LNP1: variants seen among roughly 807,000 people sequenced by gnomAD.
The protein encoded by LNP1 is leukemia NUP98 fusion partner 1.
A neutral mutation model predicts 14.5 loss-of-function variants in LNP1; 12 were observed. The observed-to-expected ratio is 0.83, with a 90% CI of 0.53 to 1.34. The LOEUF (loss-of-function observed/expected upper bound fraction) is 1.34. LNP1 is among the 40% of genes most tolerant of loss of function. The probability of loss-of-function intolerance (pLI) is 0.00; values close to 1 mark genes in which losing one functional copy is unlikely to be tolerated. For synonymous variants in LNP1, 75 were observed against 71.4 expected, an observed-to-expected ratio of 1.05 and a Z score of -0.26; for missense variants, 198 against 210.9, an observed-to-expected ratio of 0.94 and a Z score of 0.38.
chr3:100,451,192 C>T (rs1707434888), intron 2 of LNP1, among the ~76,000 whole-genome samples: 1 of 152,182 alleles, frequency 6.6e-6, no homozygotes, highest in South Asian at 2.1e-4. Flanking sequence ...AATTCATGCC[C>T]CTGACACAGC....
At chr3:100,441,993 T>C (rs1286892532) in intron 2 of LNP1, among the ~76,000 whole-genome samples, 2 of 152,154 alleles carry the variant, frequency 1.3e-5, no homozygotes, top group South Asian at 2.1e-4. Flanking sequence ...ATAGTAAAGT[T>C]GATTTTTTCC....
chr3:100,434,552 G>A (rs575398701), intron 2 of LNP1, among the ~76,000 whole-genome samples: 17 of 147,180 alleles, frequency 1.2e-4, no homozygotes, highest in Non-Finnish European at 2.1e-4. Context: ...TTTTTGAGTT[G>A]AAGTCTCATT....
intron 2 of LNP1, among the ~76,000 whole-genome samples, chr3:100,446,278 G>C (rs149032530): frequency 6.6e-6 from 1 of 152,006 alleles, no homozygotes; most frequent in Non-Finnish European, 1.5e-5. Flanking sequence ...CAGAACAGAG[G>C]CCTCCGAAAT....
In LNP1 at chr3:100,420,202, A is replaced by C. The variant is rs554999791; in HGVS notation, c.-33-9495A>C. Among the ~76,000 whole-genome samples, 13 of 152,318 alleles carry C rather than the reference A, an allele frequency of 8.5e-5. No individual in the cohort carries two copies. In the South Asian group the frequency reaches 2.5e-3, roughly 29 times the overall value. On this transcript the variant is annotated intron_variant, in intron 1 of 3. Coordinates refer to ENST00000383693, the MANE Select transcript of LNP1 (RefSeq NM_001085451.2). The stretch of plus-strand genomic sequence containing the variant: ...AGATCAGATGAGATTGGGTACATTC[A>C]GGGCGTTATGGCCATAGACACCATT...
At chr3:100,444,272 A>G (rs1022816956) in intron 2 of LNP1, among the ~76,000 whole-genome samples, 1 of 152,244 alleles carries the variant, frequency 6.6e-6, no homozygotes, top group African/African-American at 2.4e-5. Flanking sequence ...TCATAAAGAC[A>G]CAATTGACAA....
chr3:100,432,380 T>A (rs1222271092), intron 2 of LNP1, among the ~76,000 whole-genome samples: 2 of 152,032 alleles, frequency 1.3e-5, no homozygotes, highest in Non-Finnish European at 2.9e-5. Flanking sequence ...TTAATTAATT[T>A]AACATATTTA....
At chr3:100,415,631 AAT>A (rs1707075501) in intron 1 of LNP1, among the ~76,000 whole-genome samples, 1 of 152,194 alleles carries the variant, frequency 6.6e-6, no homozygotes, top group African/African-American at 2.4e-5. Context: ...CCAATCCAGA[AAT>A]TTCACCTCTA....
At chr3:100,451,443 A>T (rs1431852589) in intron 2 of LNP1, among the ~76,000 whole-genome samples, 2 of 152,214 alleles carry the variant, frequency 1.3e-5, no homozygotes, top group Non-Finnish European at 2.9e-5. Context: ...CAAAGGAGGC[A>T]ATCAGGTATG....
Position 100,451,741 on chromosome 3 carries a change from C to T in LNP1, c.179C>T (p.Pro60Leu), listed in dbSNP as rs774796754. 20 of 877,892 alleles carry T rather than the reference C, an allele frequency of 2.3e-5. No individual in the cohort carries two copies. Among genetic ancestry groups the T allele is most frequent in the Non-Finnish European group, 2.8e-5 (19 of 670,434 alleles). The allele number at this position is 877,892 out of a possible 1,614,324, so 54.4% of individuals were successfully genotyped here. A position where few individuals can be genotyped will look rare whatever the true frequency, so the allele number is the denominator to read the frequency against. ...CAGCTTCCTGTGCTTCCCAGAATTC[C>T]ATCATCTGACTGCCATCCTAGAAGG... is the stretch of plus-strand genomic sequence containing the variant. ...PCPLPVLPRI[P>L]SSDCHPRRHS... Residue 60 changes from proline to leucine, a missense_variant, in exon 3 of 4, where the codon CCA becomes CTA. By Grantham distance (98) the Pro-to-Leu change is moderately conservative. Coordinates refer to ENST00000383693, the MANE Select transcript of LNP1 (RefSeq NM_001085451.2).
intron 1 of LNP1, among the ~76,000 whole-genome samples, chr3:100,427,331 C>A (rs554663695): frequency 8.5e-4 from 129 of 152,228 alleles, no homozygotes; most frequent in Non-Finnish European, 1.6e-3. Context: ...ATCAGCCAGG[C>A]TGCACTTTTT....
intron 2 of LNP1, among the ~76,000 whole-genome samples, chr3:100,443,978 A>T (rs1707366391): frequency 6.6e-6 from 1 of 152,218 alleles, no homozygotes; most frequent in Non-Finnish European, 1.5e-5. Flanking sequence ...CTGAAAAACA[A>T]AACAAAGGCT....
chr3:100,441,255 TGAATGACTTA>T (rs1707341022), intron 2 of LNP1, among the ~76,000 whole-genome samples: 1 of 152,318 alleles, frequency 6.6e-6, no homozygotes, highest in Non-Finnish European at 1.5e-5. Context: ...TGAATGCCAC[TGAATGACTTA>T]GATGAAGACC....
intron 2 of LNP1, among the ~76,000 whole-genome samples, chr3:100,450,536 C>G (rs1361226847): frequency 6.6e-6 from 1 of 152,034 alleles, no homozygotes; most frequent in Non-Finnish European, 1.5e-5. Flanking sequence ...AAGGTTTCAC[C>G]ATGTTGGCCA....
At chr3:100,440,500 G>C (rs1707334850) in intron 2 of LNP1, among the ~76,000 whole-genome samples, 1 of 152,082 alleles carries the variant, frequency 6.6e-6, no homozygotes, top group Admixed American at 6.5e-5. Context: ...CTGTCTCCCT[G>C]TACTCCTGCC....
At chr3:100,428,501 C>T (rs2148903124) in intron 1 of LNP1, among the ~76,000 whole-genome samples, 1 of 149,232 alleles carries the variant, frequency 6.7e-6, no homozygotes, top group South Asian at 2.1e-4. Context: ...CATTGTACTC[C>T]AGCCTGGGCA....
chr3:100,404,865 T>G (rs1706948329), intron 1 of LNP1, among the ~76,000 whole-genome samples: 1 of 150,634 alleles, frequency 6.6e-6, no homozygotes, highest in Non-Finnish European at 1.5e-5. Context: ...TGATCTCGGC[T>G]TACTGCAACC....
chr3:100,420,478 GT>G (rs559094050), intron 1 of LNP1, among the ~76,000 whole-genome samples: 3 of 151,426 alleles, frequency 2.0e-5, no homozygotes, highest in African/African-American at 4.9e-5. Flanking sequence ...TGCCTGGCTA[GT>G]TTTTTTAAAA....
chr3:100,452,220 T>G (rs1009529261), intron 3 of LNP1, among the ~76,000 whole-genome samples: 1 of 149,892 alleles, frequency 6.7e-6, no homozygotes, highest in Non-Finnish European at 1.5e-5. Flanking sequence ...TTTTTTTTTT[T>G]GAGATAGGGT....
intron 2 of LNP1, among the ~76,000 whole-genome samples, chr3:100,433,515 G>T (rs954340942): frequency 7.2e-5 from 11 of 152,112 alleles, no homozygotes; most frequent in Non-Finnish European, 1.3e-4. Flanking sequence ...AAATAGTGCT[G>T]CAATAAACAT....
Sources: gnomAD v4.1 joint callset for allele counts (sites outside exome capture counted in the v4.1 genomes callset) on GRCh38, gnomAD v4.1.1 for gene constraint, MANE v1.5 for transcripts, NCBI Gene and HGNC (gene_info 2026-07-23, HGNC 2026-07-21) for gene names.